Variants in PPIL2 observed in about 807,000 individuals in gnomAD.
The protein encoded by PPIL2 is RING-type E3 ubiquitin-protein ligase PPIL2.
PPIL2 carries 50 observed loss-of-function variants against 75.2 expected under a neutral mutation model. The ratio of observed to expected loss-of-function variants is 0.66; its 90% CI spans 0.53 to 0.84. The LOEUF is 0.84. Ranked by LOEUF, PPIL2 falls within the 40% of genes least tolerant of loss-of-function variation. The pLI is 0.00. For missense variants in PPIL2, 590 were observed against 685.0 expected (o/e 0.86, Z 1.55); for synonymous variants, 245 against 258.8 (o/e 0.95, Z 0.51).
At chr22:21,666,207 G>A (rs1227731561) in intron 1 of PPIL2, 76 bp downstream of exon 1, 3 of 1,495,042 alleles carry the variant, frequency 2.0e-6, no homozygotes, top group Non-Finnish European at 2.7e-6. Context: ...CGCGCCGCTC[G>A]CCTTCCCTCT....
chr22:21,668,872 C>T (rs896303964), intron 1 of PPIL2, among the ~76,000 whole-genome samples: 1 of 151,464 alleles, frequency 6.6e-6, no homozygotes, highest in Non-Finnish European at 1.5e-5. Flanking sequence ...CCACCACGCC[C>T]GGCTAATTTT....
Position 21,697,130 on chromosome 22 carries a change from C to T in PPIL2, c.*1640C>T. On this transcript the variant is annotated 3_prime_UTR_variant, in exon 20 of 20. Coordinates refer to ENST00000398831, the MANE Select transcript of PPIL2 (RefSeq NM_014337.4). The stretch of plus-strand genomic sequence containing the variant: ...GTCCTCCGCAAGGCCTGGTGCAGCC[C>T]TGGCAGTAACTGGCTTGTAAGAGGC... 1.2e-6 allele frequency: 1 copy of T among 820,418 alleles called. No individual in the cohort carries two copies. The highest frequency in any genetic ancestry group is 1.9e-6 in the Non-Finnish European group (1 of 534,048). 50.8% of individuals were successfully genotyped at this position (820,418 alleles called of 1,614,324 possible).
chr22:21,671,123 G>T, intron 4 of PPIL2, 64 bp downstream of exon 4: 2 of 1,470,880 alleles, frequency 1.4e-6, no homozygotes, highest in Non-Finnish European at 1.9e-6. Flanking sequence ...TAAGGAAGGG[G>T]ACCCTTGGTA....
chr22:21,667,500 C>T (rs1437996629), intron 1 of PPIL2, among the ~76,000 whole-genome samples: 1 of 152,162 alleles, frequency 6.6e-6, no homozygotes, highest in Middle Eastern at 3.4e-3. Context: ...GTATGTCCCA[C>T]TGTTGACCAC....
chr22:21,696,801 A>C lies in PPIL2; in HGVS notation c.*1311A>C. The C allele has an allele frequency of 6.4e-7, 1 of 1,551,240 alleles. No homozygotes were observed. Among genetic ancestry groups the C allele is most frequent in the Non-Finnish European group, 8.7e-7 (1 of 1,147,978 alleles). ...TTTTCTCATCAATCACTGATGCTGA[A>C]GCTGCAGGCCTGAGCCCTTTGTCTC... On this transcript the variant is annotated 3_prime_UTR_variant, in exon 20 of 20. Transcript: ENST00000398831.
chr22:21,696,635 C>G lies in PPIL2; in HGVS notation c.*1145C>G. 2 of 1,506,884 alleles carry G rather than the reference C, an allele frequency of 1.3e-6. No individual in the cohort carries two copies. The highest frequency in any genetic ancestry group is 1.8e-6 in the Non-Finnish European group (2 of 1,131,742). 93.3% of individuals were successfully genotyped at this position (1,506,884 alleles called of 1,614,324 possible). A position where few individuals can be genotyped will look rare whatever the true frequency, so the allele number is the denominator to read the frequency against. ...CCTTGCCTGACACTTGCCTCTTGGGCTCCCTGTTGCCCTCAGGCCACCCCC... is the reference window on the plus strand; with the variant it reads ...CCTTGCCTGACACTTGCCTCTTGGGGTCCCTGTTGCCCTCAGGCCACCCCC... On this transcript the variant is annotated 3_prime_UTR_variant, in exon 20 of 20. Coordinates refer to ENST00000398831, the MANE Select transcript of PPIL2 (RefSeq NM_014337.4).
chr22:21,689,211 C>T (rs2067514698), intron 15 of PPIL2, among the ~76,000 whole-genome samples: 1 of 152,166 alleles, frequency 6.6e-6, no homozygotes, highest in East Asian at 1.9e-4. Flanking sequence ...GGAGAGGCGC[C>T]TGGAGAGACA....
In PPIL2 at chr22:21,696,441, GCTC is replaced by G. The variant is rs2067935682; in HGVS notation, c.*957_*959del. ...CCCGGCCACTGGGCTCCAAGACTCT[GCTC>G]CTCCTGTCAGTCACTGACTCTGATG... On this transcript the variant is annotated 3_prime_UTR_variant, in exon 20 of 20. Coordinates refer to ENST00000398831, the MANE Select transcript of PPIL2 (RefSeq NM_014337.4). 2.5e-6 allele frequency: 3 copies of G among 1,193,138 alleles called. No homozygotes were observed. In the African/African-American group the frequency reaches 4.7e-5, roughly 19 times the overall value. 73.9% of individuals were successfully genotyped at this position (1,193,138 alleles called of 1,614,324 possible).
chr22:21,683,317 C>G (rs945438889), intron 9 of PPIL2, 60 bp downstream of exon 9: 21 of 1,445,432 alleles, frequency 1.5e-5, no homozygotes, highest in African/African-American at 9.8e-5. Flanking sequence ...TGGGACAGTG[C>G]TCCCTGGGTA....
intron 14 of PPIL2, 50 bp from the exon 15 acceptor site, chr22:21,688,682 C>T (rs1391693910): frequency 4.5e-6 from 7 of 1,571,952 alleles, no homozygotes; most frequent in Non-Finnish European, 5.2e-6. Context: ...TCTAGTTCTG[C>T]CTCGGCTGGG....
At chr22:21,672,638 A>G (rs1183306017) in intron 5 of PPIL2, among the ~76,000 whole-genome samples, 1 of 152,192 alleles carries the variant, frequency 6.6e-6, no homozygotes, top group Non-Finnish European at 1.5e-5. Flanking sequence ...TTCTATCTGC[A>G]AAGACCCTAT....
In PPIL2 at chr22:21,696,750, C is replaced by T; in HGVS notation, c.*1260C>T. ...CCCCAAATCTTGAACCTGTCAGCAA[C>T]TTGCAGGCTGTACCTCTGCCCTTCC... On this transcript the variant is annotated 3_prime_UTR_variant, in exon 20 of 20. Transcript: ENST00000398831. 6.5e-7 allele frequency: 1 copy of T among 1,541,482 alleles called. No individual in the cohort carries two copies. The highest frequency in any genetic ancestry group is 8.7e-7 in the Non-Finnish European group (1 of 1,146,806).
rs2067911160 is a variant in PPIL2, at chr22:21,695,944, C to T, written c.*454C>T. Reference sequence around the variant, plus strand: ...TCAAGCAATCCTCCTGCCTCAGCCTCGCAAGTAGCTGGGACTACAGCCGTG... The same window carrying T: ...TCAAGCAATCCTCCTGCCTCAGCCTTGCAAGTAGCTGGGACTACAGCCGTG... On this transcript the variant is annotated 3_prime_UTR_variant, in exon 20 of 20. Transcript: ENST00000398831. 1.2e-5 allele frequency: 9 copies of T among 750,744 alleles called. No individual in the cohort carries two copies. The highest frequency in any genetic ancestry group is 1.5e-5 in the Non-Finnish European group (9 of 600,416). The allele number at this position is 750,744 out of a possible 1,614,324, so 46.5% of individuals were successfully genotyped here. A position where few individuals can be genotyped will look rare whatever the true frequency, so the allele number is the denominator to read the frequency against.
intron 15 of PPIL2, among the ~76,000 whole-genome samples, chr22:21,692,960 G>C (rs1371476211): frequency 6.6e-6 from 1 of 151,708 alleles, no homozygotes; most frequent in East Asian, 1.9e-4. Flanking sequence ...TTATGAGGTA[G>C]TCTCTGCCTT....
intron 1 of PPIL2, among the ~76,000 whole-genome samples, chr22:21,668,515 G>C (rs1156549749): frequency 6.6e-6 from 1 of 150,842 alleles, no homozygotes; most frequent in Non-Finnish European, 1.5e-5. Context: ...TGTAGTACCA[G>C]CTACTCGGGA....
chr22:21,668,053 A>C (rs1344261478), intron 1 of PPIL2, among the ~76,000 whole-genome samples: 1 of 151,938 alleles, frequency 6.6e-6, no homozygotes, highest in Non-Finnish European at 1.5e-5. Context: ...CTGGGATTAC[A>C]GGCGTGAGCC....
chr22:21,683,177 C>T lies in PPIL2; in HGVS notation c.478-5C>T. On this transcript the variant is annotated splice_region_variant and splice_polypyrimidine_tract_variant and intron_variant, in intron 8 of 19. Transcript: ENST00000398831. ...ACTCTGCTGGGCATTCTCTTTTTGC[C>T]ACAGGACCCCACCAATTTGGACAAG... 6.2e-7 allele frequency: 1 copy of T among 1,612,072 alleles called. No homozygotes were observed.
rs1491214826 is a variant in PPIL2 at position 21,676,278 on chromosome 22, G to GTGTC, written c.295+1164_295+1165insGTCT. On this transcript the variant is annotated intron_variant, in intron 6 of 19. Coordinates refer to ENST00000398831, the MANE Select transcript of PPIL2 (RefSeq NM_014337.4). ...TGTGTGTGTGTGTGTGTGTGTGTGT[G>GTGTC]TCTCATTCAGCAAATATTTATTTAT... Among the ~76,000 whole-genome samples, 297 of 142,586 alleles carry GTGTC rather than the reference G, an allele frequency of 2.1e-3. 3 individuals are homozygous for GTGTC. Among genetic ancestry groups the GTGTC allele is most frequent in the Non-Finnish European group, 3.3e-3 (217 of 65,420 alleles). The allele number at this position is 142,586 out of a possible 152,430, so 93.5% of individuals were successfully genotyped here. A position where few individuals can be genotyped will look rare whatever the true frequency, so the allele number is the denominator to read the frequency against.
chr22:21,681,400 C>G lies in PPIL2; in HGVS notation c.387+10C>G. 6.2e-7 allele frequency: 1 copy of G among 1,602,566 alleles called. No individual in the cohort carries two copies. Among genetic ancestry groups the G allele is most frequent in the Middle Eastern group, 1.7e-4 (1 of 6,046 alleles). On this transcript the variant is annotated intron_variant, in intron 7 of 19. Transcript: ENST00000398831. ...CGTCTACGCCTATGAGGTGTGTCCT[C>G]GCTCCGGGGCGTGGAGACAGCGGTG... is the stretch of plus-strand genomic sequence containing the variant.
Sources: gnomAD v4.1 joint callset for allele counts (sites outside exome capture counted in the v4.1 genomes callset) on GRCh38, gnomAD v4.1.1 for gene constraint, MANE v1.5 for transcripts, NCBI Gene and HGNC (gene_info 2026-07-23, HGNC 2026-07-21) for gene names.